Variants in PILRB observed in about 807,000 individuals in gnomAD.
PILRB encodes the protein paired immunoglobin like type 2 receptor beta.
In PILRB, 21 loss-of-function variants were observed where a neutral mutation model predicts 20.5. That is an observed-to-expected ratio of 1.02 (90% CI 0.72 to 1.47). The LOEUF (loss-of-function observed/expected upper bound fraction) is 1.47, where lower values mean the gene tolerates loss of function less well. PILRB is among the 40% of genes most tolerant of loss of function. The pLI is 0.00. For missense variants in PILRB, 253 were observed against 272.1 expected, an observed-to-expected ratio of 0.93 and a Z score of 0.49; for synonymous variants, 133 against 115.1, an observed-to-expected ratio of 1.16 and a Z score of -0.99.
intron 3 of PILRB, among the ~76,000 whole-genome samples, chr7:100,363,254 A>G (rs963858891): frequency 2.0e-5 from 3 of 152,184 alleles, no homozygotes; most frequent in African/African-American, 7.2e-5. Flanking sequence ...TTTGCAGGTG[A>G]CAAGATCTCA....
chr7:100,365,334 C>A lies in PILRB; in HGVS notation c.656-2015C>A, dbSNP rs183863930. Among the ~76,000 whole-genome samples the A allele has an allele frequency of 1.3e-4, 20 of 152,290 alleles. No homozygotes were observed. In the East Asian group the frequency reaches 3.7e-3, roughly 28 times the overall value. ...AAAGGGAAGGAAATTCTTACACATG[C>A]TGTAGTATAAATGAGCCTTGAGGAC... On this transcript the variant is annotated intron_variant, in intron 3 of 3. Coordinates refer to ENST00000609309, the MANE Select transcript of PILRB (RefSeq NM_178238.4).
rs1490665649 is a variant in PILRB, at chr7:100,358,249, C to A, written c.-54C>A. 1.2e-6 allele frequency: 2 copies of A among 1,606,140 alleles called. No individual in the cohort carries two copies. Among genetic ancestry groups the A allele is most frequent in the Non-Finnish European group, 1.7e-6 (2 of 1,176,834 alleles). ...CAGGCAGCCCCTCCACAGGGCCCCT[C>A]TCCTGCCTGGACAGCTCTGCTGGTC... On this transcript the variant is annotated 5_prime_UTR_variant, in exon 1 of 4. Transcript: ENST00000609309.
chr7:100,359,203 C>T, intron 2 of PILRB, 124 bp downstream of exon 2: 2 of 1,497,662 alleles, frequency 1.3e-6, no homozygotes, highest in Non-Finnish European at 1.8e-6. Context: ...CCTTGCTACC[C>T]CTTCCATGTC....
chr7:100,358,138 G>C lies in PILRB; in HGVS notation c.-165G>C. 1 of 712,426 alleles carries C rather than the reference G, an allele frequency of 1.4e-6. No homozygotes were observed. Among genetic ancestry groups the C allele is most frequent in the Non-Finnish European group, 2.4e-6 (1 of 409,504 alleles). 44.1% of individuals were successfully genotyped at this position (712,426 alleles called of 1,614,324 possible). A position where few individuals can be genotyped will look rare whatever the true frequency, so the allele number is the denominator to read the frequency against. ...GGATAAAGGAAGTGCTGGTCACCCTGGAGGTGTACTGGTTTGGGGAAGGTC... is the reference window on the plus strand; with the variant it reads ...GGATAAAGGAAGTGCTGGTCACCCTCGAGGTGTACTGGTTTGGGGAAGGTC... On this transcript the variant is annotated 5_prime_UTR_variant, in exon 1 of 4. Coordinates refer to ENST00000609309, the MANE Select transcript of PILRB (RefSeq NM_178238.4).
intron 3 of PILRB, among the ~76,000 whole-genome samples, chr7:100,360,099 A>G (rs573443156): frequency 1.3e-4 from 20 of 152,282 alleles, no homozygotes; most frequent in African/African-American, 4.6e-4. Context: ...TCTCTCAGTC[A>G]TCAATCATCC....
rs766091102 is a variant in PILRB, at chr7:100,358,266, C to T, written c.-37C>T. 3 of 1,610,718 alleles carry T rather than the reference C, an allele frequency of 1.9e-6. No individual in the cohort carries two copies. The South Asian group carries it at 3.3e-5, about 18-fold the overall frequency. On this transcript the variant is annotated 5_prime_UTR_variant, in exon 1 of 4. Coordinates refer to ENST00000609309, the MANE Select transcript of PILRB (RefSeq NM_178238.4). The stretch of plus-strand genomic sequence containing the variant: ...GGGCCCCTCTCCTGCCTGGACAGCT[C>T]TGCTGGTCTCCCCGTCCCCTGGAGA...
At position 100,367,584 on chromosome 7, in the gene PILRB, A is replaced by G. The variant is rs977804253; in HGVS notation, c.*207A>G. 1.7e-5 allele frequency: 10 copies of G among 596,404 alleles called. No homozygotes were observed. The highest frequency in any genetic ancestry group is 3.0e-5 in the Non-Finnish European group (10 of 329,762). 36.9% of individuals were successfully genotyped at this position (596,404 alleles called of 1,614,324 possible). A position where few individuals can be genotyped will look rare whatever the true frequency, so the allele number is the denominator to read the frequency against. Reference sequence around the variant, plus strand: ...GAGTTACCTACAAGAGCCTTCATCCAGGAGCATCCACACTGCAATGATATA... The same window carrying G: ...GAGTTACCTACAAGAGCCTTCATCCGGGAGCATCCACACTGCAATGATATA... On this transcript the variant is annotated 3_prime_UTR_variant, in exon 4 of 4. Transcript: ENST00000609309.
At position 100,367,705 on chromosome 7, in the gene PILRB, G is replaced by A; in HGVS notation, c.*328G>A. 6.3e-6 allele frequency: 2 copies of A among 319,846 alleles called. No individual in the cohort carries two copies. The highest frequency in any genetic ancestry group is 1.2e-5 in the Non-Finnish European group (2 of 172,430). 19.8% of individuals were successfully genotyped at this position (319,846 alleles called of 1,614,324 possible). On this transcript the variant is annotated 3_prime_UTR_variant, in exon 4 of 4. Coordinates refer to ENST00000609309, the MANE Select transcript of PILRB (RefSeq NM_178238.4). The stretch of plus-strand genomic sequence containing the variant: ...AGTTCCTTTATCCTCCCCAAGGATG[G>A]AAAAATACAATTTATTTTGCTTACC...
intron 3 of PILRB, among the ~76,000 whole-genome samples, chr7:100,360,423 G>A (rs1218099601): frequency 6.6e-6 from 1 of 152,210 alleles, no homozygotes; most frequent in African/African-American, 2.4e-5. Context: ...ATCTGCAGAT[G>A]TCTCAAAAAA....
intron 3 of PILRB, among the ~76,000 whole-genome samples, chr7:100,361,616 C>T (rs1790529908): frequency 6.6e-6 from 1 of 152,148 alleles, no homozygotes; most frequent in South Asian, 2.1e-4. Flanking sequence ...TTGCTTGAAC[C>T]CAGGAGGTGG....
chr7:100,367,436 C>A lies in PILRB; in HGVS notation c.*59C>A. On this transcript the variant is annotated 3_prime_UTR_variant, in exon 4 of 4. Coordinates refer to ENST00000609309, the MANE Select transcript of PILRB (RefSeq NM_178238.4). The stretch of plus-strand genomic sequence containing the variant: ...GCCCCGGAGGACGTGATGTGAGACC[C>A]GCTTGTGAGTCCTCCACACTCGTTC... 1 of 777,988 alleles carries A rather than the reference C, an allele frequency of 1.3e-6. No individual in the cohort carries two copies. Among genetic ancestry groups the A allele is most frequent in the South Asian group, 1.3e-5 (1 of 74,548 alleles). The allele number at this position is 777,988 out of a possible 1,614,324, so 48.2% of individuals were successfully genotyped here. A position where few individuals can be genotyped will look rare whatever the true frequency, so the allele number is the denominator to read the frequency against.
At chr7:100,361,061 G>A (rs1238626763) in intron 3 of PILRB, among the ~76,000 whole-genome samples, 1 of 152,028 alleles carries the variant, frequency 6.6e-6, no homozygotes, top group Non-Finnish European at 1.5e-5. Context: ...TCAGCCTCCT[G>A]AGTAGCTGGG....
chr7:100,361,308 C>A (rs142308323), intron 3 of PILRB, among the ~76,000 whole-genome samples: 8 of 152,140 alleles, frequency 5.3e-5, no homozygotes, highest in Admixed American at 2.0e-4. Flanking sequence ...CTTGGATGTA[C>A]ACATTTCCAG....
In PILRB at chr7:100,359,474, G is replaced by C; in HGVS notation, c.592G>C (p.Val198Leu). 1 of 1,614,072 alleles carries C rather than the reference G, an allele frequency of 6.2e-7. No individual in the cohort carries two copies. Among genetic ancestry groups the C allele is most frequent in the African/African-American group, 1.3e-5 (1 of 75,014 alleles). The change falls in exon 3 of 4, where the codon GTG becomes CTG. Residue 198 changes from valine (V) to leucine (L), a missense_variant. Val to Leu is a conservative substitution (Grantham distance 32, BLOSUM62 1). Coordinates refer to ENST00000609309, the MANE Select transcript of PILRB (RefSeq NM_178238.4). The part of the protein sequence containing the change: ...TAIRVALAVA[V>L]LKTVILGLLC... Reference sequence around the variant, plus strand: ...CATCAGGGTTGCATTGGCTGTCGCTGTGCTCAAAACTGTCATTTTGGGACT... The same window carrying C: ...CATCAGGGTTGCATTGGCTGTCGCTCTGCTCAAAACTGTCATTTTGGGACT...
chr7:100,362,739 C>T (rs933143745), intron 3 of PILRB, among the ~76,000 whole-genome samples: 2 of 152,064 alleles, frequency 1.3e-5, no homozygotes, highest in Admixed American at 6.6e-5. Flanking sequence ...GAACTCCCGA[C>T]CTCAAGTGAT....
intron 3 of PILRB, among the ~76,000 whole-genome samples, chr7:100,364,540 C>T (rs974304974): frequency 1.3e-5 from 2 of 152,192 alleles, no homozygotes; most frequent in African/African-American, 4.8e-5. Context: ...CGTACCTGCT[C>T]TTACACAAGA....
At chr7:100,358,395 T>C in intron 1 of PILRB, 29 bp downstream of exon 1, 8 of 1,609,408 alleles carry the variant, frequency 5.0e-6, no homozygotes, top group African/African-American at 1.3e-5. Flanking sequence ...CCAGGTATGG[T>C]CTCTGCCCAA....
chr7:100,367,370 A>G lies in PILRB; in HGVS notation c.677A>G (p.Asp226Gly). The G allele has an allele frequency of 1.3e-6, 1 of 780,980 alleles. No individual in the cohort carries two copies. Among genetic ancestry groups the G allele is most frequent in the Non-Finnish European group, 2.4e-6 (1 of 418,060 alleles). 48.4% of individuals were successfully genotyped at this position (780,980 alleles called of 1,614,324 possible). A position where few individuals can be genotyped will look rare whatever the true frequency, so the allele number is the denominator to read the frequency against. The change falls in exon 4 of 4, where the codon GAC (aspartate) becomes GGC (glycine). Residue 226 changes from aspartate (D) to glycine (G), a missense_variant. Transcript: ENST00000609309. ...GCAGGTAGCAGGGCGCCAAGCAGTG[A>G]CTTCTGACCAACAGAGTGTGGGGAG... Reference protein sequence around the residue: ...RRKGSRAPSSDF With the variant: ...RRKGSRAPSSGF
Position 100,367,641 on chromosome 7 carries a change from C to T in PILRB, c.*264C>T. On this transcript the variant is annotated 3_prime_UTR_variant, in exon 4 of 4. Coordinates refer to ENST00000609309, the MANE Select transcript of PILRB (RefSeq NM_178238.4). The stretch of plus-strand genomic sequence containing the variant: ...AGGTCTGAACTCCACTGAATTAAAC[C>T]ACTGGCATTTGGGGGCTGTTTATTA... The T allele has an allele frequency of 2.0e-6, 1 of 499,518 alleles. No individual in the cohort carries two copies. Among genetic ancestry groups the T allele is most frequent in the Non-Finnish European group, 3.6e-6 (1 of 279,834 alleles). The allele number at this position is 499,518 out of a possible 1,614,324, so 30.9% of individuals were successfully genotyped here.
Sources: gnomAD v4.1 joint callset for allele counts (sites outside exome capture counted in the v4.1 genomes callset) on GRCh38, gnomAD v4.1.1 for gene constraint, MANE v1.5 for transcripts, NCBI Gene and HGNC (gene_info 2026-07-23, HGNC 2026-07-21) for gene names.